Variants in ZNF461 observed in about 807,000 individuals in gnomAD.
ZNF461 encodes the protein zinc finger protein 461.
In ZNF461, 16 loss-of-function variants were observed where a neutral mutation model predicts 18.3. The ratio of observed to expected loss-of-function variants is 0.88; its 90% CI spans 0.59 to 1.33. The LOEUF (loss-of-function observed/expected upper bound fraction) is 1.33, where lower values mean the gene tolerates loss of function less well. Among genes scored for constraint, ZNF461 ranks in the 40% most tolerant of loss-of-function variants. The pLI, the probability that ZNF461 is intolerant of heterozygous loss-of-function variation, is 0.00. For synonymous variants in ZNF461, 179 were observed against 216.9 expected, an observed-to-expected ratio of 0.83 and a Z score of 1.54; for missense variants, 595 against 669.9, an observed-to-expected ratio of 0.89 and a Z score of 1.23.
At chr19:36,641,502 A>G (rs2037422082) in intron 5 of ZNF461, among the ~76,000 whole-genome samples, 2 of 151,516 alleles carry the variant, frequency 1.3e-5, no homozygotes, top group Admixed American at 1.3e-4. Context: ...TGGGCAACAG[A>G]GTAAGACTGT....
intron 2 of ZNF461, among the ~76,000 whole-genome samples, chr19:36,662,881 T>C (rs188989091): frequency 6.6e-6 from 1 of 152,126 alleles, no homozygotes; most frequent in Non-Finnish European, 1.5e-5. Context: ...AAATTTAATA[T>C]ATATATCAAT....
chr19:36,644,035 C>T (rs1408331545), intron 4 of ZNF461, among the ~76,000 whole-genome samples, 173 bp from the exon 5 acceptor site: 3 of 152,134 alleles, frequency 2.0e-5, no homozygotes, highest in Non-Finnish European at 4.4e-5. Flanking sequence ...TGGGTTCAAG[C>T]GATTCTCCTG....
At chr19:36,660,108 CATT>C (rs1276610275) in intron 2 of ZNF461, among the ~76,000 whole-genome samples, 1 of 148,564 alleles carries the variant, frequency 6.7e-6, no homozygotes, top group Non-Finnish European at 1.5e-5. Context: ...CCTTGTTTCT[CATT>C]GTTGGTGTCA....
At chr19:36,665,638 G>A (rs2037900568) in intron 1 of ZNF461, among the ~76,000 whole-genome samples, 1 of 151,294 alleles carries the variant, frequency 6.6e-6, no homozygotes, top group East Asian at 2.0e-4. Flanking sequence ...AAAACCCGAA[G>A]GCGGAGGTTG....
Position 36,658,439 on chromosome 19 carries a change from T to C in ZNF461, c.10-14A>G. On this transcript the variant is annotated splice_polypyrimidine_tract_variant and intron_variant, in intron 2 of 5. Coordinates refer to ENST00000588268, the MANE Select transcript of ZNF461 (RefSeq NM_153257.5). ...CATCACCAACTCCTAAAATGACAAA[T>C]AATAGTACTATTTTTGAAATTATAA... 6.3e-7 allele frequency: 1 copy of C among 1,582,190 alleles called. No homozygotes were observed. The highest frequency in any genetic ancestry group is 2.3e-5 in the East Asian group (1 of 43,868).
At chr19:36,664,628 A>T in intron 2 of ZNF461, 70 bp downstream of exon 2, 1 of 1,329,054 alleles carries the variant, frequency 7.5e-7, no homozygotes, top group Non-Finnish European at 1.0e-6. Flanking sequence ...CATGCCCTAT[A>T]CAAAAAAAAC....
At position 36,658,358 on chromosome 19, in the gene ZNF461, G is replaced by A. The variant is rs200354922; in HGVS notation, c.77C>T (p.Ala26Val). Reference sequence around the variant, plus strand: ...CACCTCCTTGTACAAATTCCTCTGCGCTGGGTTCAGGCATTCCCATTCCTC... The same window carrying A: ...CACCTCCTTGTACAAATTCCTCTGCACTGGGTTCAGGCATTCCCATTCCTC... ...SQEEWECLNP[A>V]QRNLYKEVML... The change falls in exon 3 of 6, where the codon GCG becomes GTG. Residue 26 changes from alanine (A) to valine (V), a missense_variant. Physicochemically the swap from Ala to Val is moderately conservative, Grantham distance 64 (BLOSUM62 0). Coordinates refer to ENST00000588268, the MANE Select transcript of ZNF461 (RefSeq NM_153257.5). 6.4e-4 allele frequency: 1,029 copies of A among 1,611,160 alleles called. No individual in the cohort carries two copies. The highest frequency in any genetic ancestry group is 8.3e-4 in the Non-Finnish European group (975 of 1,178,430).
At chr19:36,652,873 A>G (rs929570615) in intron 4 of ZNF461, among the ~76,000 whole-genome samples, 9 of 152,186 alleles carry the variant, frequency 5.9e-5, no homozygotes, top group African/African-American at 1.9e-4. Flanking sequence ...TCTGTCTAAG[A>G]TACAAAAAGA....
chr19:36,665,996 A>T (rs1265820352), intron 1 of ZNF461, among the ~76,000 whole-genome samples: 2 of 151,832 alleles, frequency 1.3e-5, no homozygotes, highest in African/African-American at 4.8e-5. Flanking sequence ...GGTGAGGTGA[A>T]TGTGCGTGTG....
chr19:36,652,598 C>G (rs1039247107), intron 4 of ZNF461, among the ~76,000 whole-genome samples: 9 of 151,524 alleles, frequency 5.9e-5, no homozygotes, highest in Non-Finnish European at 1.2e-4. Context: ...AGACGTGACA[C>G]TAAATACACA....
At chr19:36,666,147 T>C (rs528968469) in intron 1 of ZNF461, among the ~76,000 whole-genome samples, 2 of 150,670 alleles carry the variant, frequency 1.3e-5, no homozygotes, top group African/African-American at 4.9e-5. Context: ...CAGGTTGGAG[T>C]GCAATGGCGC....
rs370306927 is a variant in ZNF461 at position 36,637,033 on chromosome 19, T to C, written c.*1620A>G. On this transcript the variant is annotated 3_prime_UTR_variant, in exon 6 of 6. Coordinates refer to ENST00000588268, the MANE Select transcript of ZNF461 (RefSeq NM_153257.5). ...GCCTCTTGTGGCTTTCCACAACTTA[T>C]TGTCCCATATTTTTATGGCCAGTTT... 6.6e-6 allele frequency among the ~76,000 whole-genome samples: 1 copy of C among 152,156 alleles called. No homozygotes were observed. Among genetic ancestry groups the C allele is most frequent in the South Asian group, 2.1e-4 (1 of 4,824 alleles).
chr19:36,652,592 G>A (rs575202577), intron 4 of ZNF461, among the ~76,000 whole-genome samples: 2 of 151,480 alleles, frequency 1.3e-5, no homozygotes, highest in South Asian at 2.1e-4. Flanking sequence ...GTTCTTAGAC[G>A]TGACACTAAA....
At chr19:36,656,068 G>A (rs1168383153) in intron 4 of ZNF461, among the ~76,000 whole-genome samples, 7 of 141,446 alleles carry the variant, frequency 4.9e-5, no homozygotes, top group African/African-American at 1.1e-4. Flanking sequence ...CGCGATCTCC[G>A]CTCACTGCAA....
At chr19:36,655,969 G>T (rs2037708649) in intron 4 of ZNF461, among the ~76,000 whole-genome samples, 1 of 151,086 alleles carries the variant, frequency 6.6e-6, no homozygotes, top group Non-Finnish European at 1.5e-5. Flanking sequence ...TTATTTCTGG[G>T]CTTTCTATTC....
At chr19:36,644,332 G>A (rs1019620680) in intron 4 of ZNF461, among the ~76,000 whole-genome samples, 2 of 150,982 alleles carry the variant, frequency 1.3e-5, no homozygotes, top group Admixed American at 6.6e-5. Context: ...GCAATGGTGC[G>A]ATCTTGGCTC....
At position 36,658,427 on chromosome 19, in the gene ZNF461, T is replaced by A. The variant is rs1168700053; in HGVS notation, c.10-2A>T. ...CACATCTCTGAACATCACCAACTCC[T>A]AAAATGACAAATAATAGTACTATTT... On this transcript the variant is annotated splice_acceptor_variant, in intron 2 of 5. Coordinates refer to ENST00000588268, the MANE Select transcript of ZNF461 (RefSeq NM_153257.5). LOFTEE classifies it high-confidence loss of function. The A allele has an allele frequency of 6.2e-7, 1 of 1,600,030 alleles. No homozygotes were observed. Among genetic ancestry groups the A allele is most frequent in the Non-Finnish European group, 8.5e-7 (1 of 1,174,306 alleles).
chr19:36,660,656 C>A (rs2145413699), intron 2 of ZNF461, among the ~76,000 whole-genome samples: 1 of 150,734 alleles, frequency 6.6e-6, no homozygotes, highest in Non-Finnish European at 1.5e-5. Flanking sequence ...TGATTCTATA[C>A]CTAGCTAAAA....
intron 2 of ZNF461, among the ~76,000 whole-genome samples, chr19:36,661,657 T>A (rs1427971475): frequency 2.0e-5 from 3 of 151,702 alleles, no homozygotes. Flanking sequence ...TGAAATAAAG[T>A]CACTTTTACA....
Sources: allele counts gnomAD v4.1 joint callset (sites outside exome capture counted in the v4.1 genomes callset), GRCh38; gene constraint gnomAD v4.1.1; transcripts MANE v1.5; gene names NCBI Gene and HGNC (gene_info 2026-07-23, HGNC 2026-07-21).